The following GPR149 variants were observed in gnomAD, a reference collection of about 807,000 sequenced individuals.
GPR149 encodes the protein G protein-coupled receptor 149.
GPR149 carries 50 observed loss-of-function variants against 50.2 expected under a neutral mutation model. The ratio of observed to expected loss-of-function variants is 1.00; its 90% CI spans 0.79 to 1.26. The LOEUF (loss-of-function observed/expected upper bound fraction) is 1.26, where lower values mean the gene tolerates loss of function less well. GPR149 is among the 50% of genes most tolerant of loss of function. The probability of loss-of-function intolerance (pLI) is 0.00; values close to 1 mark genes in which losing one functional copy is unlikely to be tolerated. For missense variants in GPR149, 983 were observed against 895.4 expected (o/e 1.10, Z -1.25); for synonymous variants, 405 against 358.2 (o/e 1.13, Z -1.48).
chr3:154,390,873 T>G (rs1490525790), intron 3 of GPR149, among the ~76,000 whole-genome samples: 1 of 152,110 alleles, frequency 6.6e-6, no homozygotes, highest in African/African-American at 2.4e-5. Context: ...AACAGATTTA[T>G]CAGCAGAAAC....
chr3:154,407,339 T>C (rs927120207), intron 3 of GPR149, among the ~76,000 whole-genome samples: 1 of 152,124 alleles, frequency 6.6e-6, no homozygotes, highest in Non-Finnish European at 1.5e-5. Context: ...GAAGATAATG[T>C]TTTGACTGTA....
chr3:154,375,654 T>A (rs942139963), intron 3 of GPR149, among the ~76,000 whole-genome samples: 17 of 152,198 alleles, frequency 1.1e-4, no homozygotes, highest in Admixed American at 3.9e-4. Context: ...TTATGGAAAG[T>A]ATATCATTTT....
At chr3:154,393,825 A>G (rs1413790244) in intron 3 of GPR149, among the ~76,000 whole-genome samples, 2 of 152,042 alleles carry the variant, frequency 1.3e-5, no homozygotes, top group African/African-American at 2.4e-5. Flanking sequence ...TTACAATAGC[A>G]TCAAAAATAA....
intron 3 of GPR149, among the ~76,000 whole-genome samples, chr3:154,365,924 GC>G (rs975098434): frequency 1.3e-5 from 2 of 152,036 alleles, no homozygotes; most frequent in Non-Finnish European, 2.9e-5. Context: ...CACCAGAATT[GC>G]CCTTAATGCT....
At chr3:154,399,581 G>A (rs6802865) in intron 3 of GPR149, among the ~76,000 whole-genome samples, 145,826 of 152,240 alleles carry the variant, frequency 0.96, 69,941 homozygotes, top group East Asian at 1. Flanking sequence ...TTTAAATTCA[G>A]TGTGGAACTT....
chr3:154,429,553 A>T lies in GPR149; in HGVS notation c.63T>A (p.Asn21Lys). Residue 21 changes from asparagine (N) to lysine (K), a missense_variant, in exon 1 of 4, where the codon AAT (asparagine) becomes AAA (lysine). Coordinates refer to ENST00000389740, the MANE Select transcript of GPR149 (RefSeq NM_001038705.3). ...NDSSLWKENHNSTDLLNPPGT... is the reference protein window; with the variant it reads ...NDSSLWKENHKSTDLLNPPGT... ...CTGGCGGATTTAAAAGGTCCGTAGA[A>T]TTATGATTCTCTTTCCACAGGCTAG... 1 of 1,614,000 alleles carries T rather than the reference A, an allele frequency of 6.2e-7. No homozygotes were observed. Among genetic ancestry groups the T allele is most frequent in the Non-Finnish European group, 8.5e-7 (1 of 1,179,838 alleles).
intron 3 of GPR149, among the ~76,000 whole-genome samples, chr3:154,420,353 A>G (rs527613535): frequency 1.3e-5 from 2 of 152,158 alleles, no homozygotes; most frequent in East Asian, 1.9e-4. Context: ...TCAATGAATA[A>G]GAAGGATCCC....
At chr3:154,392,499 A>G (rs1411115407) in intron 3 of GPR149, among the ~76,000 whole-genome samples, 1 of 151,922 alleles carries the variant, frequency 6.6e-6, no homozygotes, top group Admixed American at 6.6e-5. Flanking sequence ...AAACTCTCAA[A>G]TAATCAACCT....
At chr3:154,349,392 A>G (rs182010092) in intron 3 of GPR149, among the ~76,000 whole-genome samples, 20 of 152,258 alleles carry the variant, frequency 1.3e-4, no homozygotes, top group Admixed American at 8.5e-4. Flanking sequence ...GATTACCAGT[A>G]TTAGGAATGA....
At chr3:154,417,864 T>G (rs993685341) in intron 3 of GPR149, among the ~76,000 whole-genome samples, 5 of 152,090 alleles carry the variant, frequency 3.3e-5, no homozygotes. Context: ...CTCATAAGGT[T>G]TTCAGTCCTA....
intron 3 of GPR149, among the ~76,000 whole-genome samples, chr3:154,341,341 A>ATATATATATATATATATATATATATAT (rs1713796570): frequency 8.2e-6 from 1 of 121,440 alleles, no homozygotes; most frequent in Non-Finnish European, 1.7e-5. Flanking sequence ...ATATATATAT[A>ATATATATATATATATATATATATATAT]AAATGAGTAG....
chr3:154,416,245 G>C (rs569529677), intron 3 of GPR149, among the ~76,000 whole-genome samples: 1 of 151,856 alleles, frequency 6.6e-6, no homozygotes, highest in South Asian at 2.1e-4. Context: ...AAACTCATGC[G>C]CATTCTCTAG....
intron 3 of GPR149, among the ~76,000 whole-genome samples, chr3:154,410,186 G>A (rs1257844282): frequency 6.6e-6 from 1 of 152,074 alleles, no homozygotes; most frequent in Non-Finnish European, 1.5e-5. Flanking sequence ...AATGCTGAGA[G>A]AATTTGCCAC....
chr3:154,342,623 G>C (rs983724529), intron 3 of GPR149, among the ~76,000 whole-genome samples: 1 of 152,080 alleles, frequency 6.6e-6, no homozygotes. Context: ...TGGCCAGGCT[G>C]GTCTTGAACT....
intron 3 of GPR149, among the ~76,000 whole-genome samples, chr3:154,419,628 T>C (rs1355624885): frequency 1.3e-5 from 2 of 152,054 alleles, no homozygotes; most frequent in Admixed American, 1.3e-4. Context: ...AAGATAGCTG[T>C]AATCTGTAAG....
At position 154,336,114 on chromosome 3, in the gene GPR149, A is replaced by G. The variant is rs1713651333; in HGVS notation, c.*1585T>C. On this transcript the variant is annotated 3_prime_UTR_variant, in exon 4 of 4. Coordinates refer to ENST00000389740, the MANE Select transcript of GPR149 (RefSeq NM_001038705.3). ...AGAATACATTTGACTTTGAATTTAT[A>G]TGTTACACATTATTTGAGGCTTGCT... The G allele has an allele frequency of 6.6e-6, 1 of 152,094 alleles. No individual in the cohort carries two copies. The highest frequency in any genetic ancestry group is 2.4e-5 in the African/African-American group (1 of 41,464). The allele number at this position is 152,094 out of a possible 1,614,324, so 9.4% of individuals were successfully genotyped here.
intron 3 of GPR149, among the ~76,000 whole-genome samples, chr3:154,401,579 G>A (rs1711548861): frequency 1.3e-5 from 2 of 152,086 alleles, no homozygotes; most frequent in African/African-American, 4.8e-5. Context: ...TTAATTCCTA[G>A]AGTATGTGAT....
chr3:154,428,495 TA>T, intron 1 of GPR149, 139 bp downstream of exon 1: 3 of 991,392 alleles, frequency 3.0e-6, no homozygotes, highest in Non-Finnish European at 4.6e-6. Context: ...AGTGCATGTC[TA>T]AAACCCAGCG....
At chr3:154,339,009 A>G (rs1392393071) in intron 3 of GPR149, among the ~76,000 whole-genome samples, 1 of 152,140 alleles carries the variant, frequency 6.6e-6, no homozygotes, top group African/African-American at 2.4e-5. Context: ...TGAAGAAAAT[A>G]AGATTGATTC....
Sources: allele counts gnomAD v4.1 joint callset (sites outside exome capture counted in the v4.1 genomes callset), GRCh38; gene constraint gnomAD v4.1.1; transcripts MANE v1.5; gene names NCBI Gene and HGNC (gene_info 2026-07-23, HGNC 2026-07-21).